The following AVEN variants were observed in gnomAD, a reference collection of about 807,000 sequenced individuals.
AVEN encodes cell death regulator Aven.
Under a neutral mutation model 38.1 loss-of-function variants are expected in AVEN, and 41 were observed. That is an observed-to-expected ratio of 1.08 (90% CI 0.84 to 1.40). The LOEUF (loss-of-function observed/expected upper bound fraction) is 1.40. Among genes scored for constraint, AVEN ranks in the 40% most tolerant of loss-of-function variants. The probability of loss-of-function intolerance (pLI) is 0.00; values close to 1 mark genes in which losing one functional copy is unlikely to be tolerated. For missense variants in AVEN, 605 were observed against 438.8 expected, an observed-to-expected ratio of 1.38 and a Z score of -3.38; for synonymous variants, 206 against 171.8, an observed-to-expected ratio of 1.20 and a Z score of -1.56.
At chr15:34,064,497 G>A (rs780121478) in intron 4 of AVEN, 1 of 711,612 alleles carries the variant, frequency 1.4e-6, no homozygotes, top group Non-Finnish European at 2.3e-6. Flanking sequence ...AGCAATTGCT[G>A]ACATATTAAA....
At chr15:34,027,908 A>T (rs1018449426) in intron 1 of AVEN, among the ~76,000 whole-genome samples, 3 of 152,118 alleles carry the variant, frequency 2.0e-5, no homozygotes, top group Admixed American at 6.5e-5. Context: ...TAGAACGTTG[A>T]CATTACTGGG....
chr15:34,067,852 T>C (rs553777932), intron 2 of AVEN, among the ~76,000 whole-genome samples: 5 of 152,148 alleles, frequency 3.3e-5, no homozygotes, highest in African/African-American at 1.2e-4. Context: ...GATACTAATT[T>C]CCATCTTCCC....
At chr15:34,000,550 C>T (rs1224493654) in intron 2 of AVEN, among the ~76,000 whole-genome samples, 5 of 152,184 alleles carry the variant, frequency 3.3e-5, no homozygotes, top group Admixed American at 3.3e-4. Flanking sequence ...TATTTTTTCT[C>T]AGTTGTCTAT....
chr15:33,988,799 G>C (rs144555041), intron 2 of AVEN, among the ~76,000 whole-genome samples: 80 of 152,348 alleles, frequency 5.3e-4, no homozygotes, highest in African/African-American at 1.9e-3. Context: ...CATGCAGCAA[G>C]AAGGACCATT....
At chr15:33,995,326 TA>T (rs891189177) in intron 2 of AVEN, among the ~76,000 whole-genome samples, 3 of 152,068 alleles carry the variant, frequency 2.0e-5, no homozygotes, top group African/African-American at 7.2e-5. Context: ...AAAATACAAA[TA>T]AAAAATAATA....
chr15:33,908,508 TGAGAA>T lies in AVEN; in HGVS notation c.446-32518_446-32514del, dbSNP rs1892792398. 2.0e-5 allele frequency among the ~76,000 whole-genome samples: 3 copies of T among 151,724 alleles called. 1 individual carries two copies. Among genetic ancestry groups the T allele is most frequent in the Admixed American group, 2.0e-4 (3 of 15,212 alleles). ...CAAATGGGCAAATAGGTTATTCCCA[TGAGAA>T]CTCACCCCGAACCCTGGCAACTACC... On this transcript the variant is annotated intron_variant, in intron 2 of 5. Transcript: ENST00000306730.
At chr15:34,030,490 T>C (rs1288765280) in intron 1 of AVEN, among the ~76,000 whole-genome samples, 5 of 152,024 alleles carry the variant, frequency 3.3e-5, no homozygotes, top group Admixed American at 1.3e-4. Context: ...GGACTACAGC[T>C]GCCTGCCACC....
At chr15:33,905,405 A>G (rs1450763678) in intron 2 of AVEN, among the ~76,000 whole-genome samples, 1 of 152,228 alleles carries the variant, frequency 6.6e-6, no homozygotes, top group Non-Finnish European at 1.5e-5. Context: ...TATACATAAA[A>G]GAGCTTGCCC....
chr15:33,874,908 C>T (rs1012329784), intron 3 of AVEN, among the ~76,000 whole-genome samples: 7 of 152,182 alleles, frequency 4.6e-5, no homozygotes, highest in African/African-American at 1.7e-4. Flanking sequence ...AATCTATCTT[C>T]GATGTGTCCT....
intron 1 of AVEN, among the ~76,000 whole-genome samples, chr15:34,020,302 C>G (rs1159693502): frequency 1.6e-5 from 2 of 126,078 alleles, no homozygotes; most frequent in Non-Finnish European, 3.7e-5. Context: ...CCGAGCGAGA[C>G]TCCATCTCAA....
chr15:33,868,934 T>C (rs1203593394), intron 4 of AVEN, among the ~76,000 whole-genome samples: 1 of 152,094 alleles, frequency 6.6e-6, no homozygotes, highest in Non-Finnish European at 1.5e-5. Context: ...TAATACAAGG[T>C]TATAATCTAA....
chr15:33,902,992 G>T (rs757030473), intron 2 of AVEN, among the ~76,000 whole-genome samples: 1 of 152,024 alleles, frequency 6.6e-6, no homozygotes, highest in Non-Finnish European at 1.5e-5. Context: ...TCTTTTGGCC[G>T]CCAGGATCTG....
intron 2 of AVEN, among the ~76,000 whole-genome samples, chr15:33,917,525 GTA>G (rs34540122): frequency 0.23 from 33,829 of 145,238 alleles, 4,208 homozygotes; most frequent in African/African-American, 0.35. Flanking sequence ...ACACATACGT[GTA>G]TATATATATA....
At chr15:34,031,377 G>A (rs377048973) in intron 1 of AVEN, among the ~76,000 whole-genome samples, 24 of 152,052 alleles carry the variant, frequency 1.6e-4, no homozygotes, top group Middle Eastern at 3.4e-3. Context: ...GTTTCATCAT[G>A]TTGGTCAGGC....
chr15:34,043,337 C>T (rs1899556660), upstream of AVEN, among the ~76,000 whole-genome samples: 1 of 151,998 alleles, frequency 6.6e-6, no homozygotes, highest in Admixed American at 6.6e-5. Context: ...AATGCACTGT[C>T]CTCTTGCAAA....
chr15:33,969,772 G>T (rs1194453662), intron 2 of AVEN, among the ~76,000 whole-genome samples: 2 of 151,968 alleles, frequency 1.3e-5, no homozygotes, highest in East Asian at 3.8e-4. Context: ...TCAACAAGAG[G>T]ATAAAAAGAT....
At chr15:34,053,314 AAAAAAATAT>A (rs1380517858) in intron 5 of AVEN, among the ~76,000 whole-genome samples, 2 of 108,254 alleles carry the variant, frequency 1.8e-5, no homozygotes, top group Admixed American at 1.1e-4. Flanking sequence ...AAAAAAAAAA[AAAAAAATAT>A]ATATATATAT....
At chr15:33,867,351 CGTG>C (rs1484704062) in intron 5 of AVEN, 141 bp downstream of exon 5, 1 of 1,199,500 alleles carries the variant, frequency 8.3e-7, no homozygotes, top group African/African-American at 1.5e-5. Context: ...GAAGCAGAGA[CGTG>C]AGCACAGAAA....
intron 2 of AVEN, among the ~76,000 whole-genome samples, chr15:33,958,228 C>T (rs1895029025): frequency 6.6e-6 from 1 of 152,194 alleles, no homozygotes; most frequent in South Asian, 2.1e-4. Flanking sequence ...TCTTCTCCTC[C>T]TGTTTTCCTT....
Sources: allele counts gnomAD v4.1 joint callset (sites outside exome capture counted in the v4.1 genomes callset), GRCh38; gene constraint gnomAD v4.1.1; transcripts MANE v1.5; gene names NCBI Gene and HGNC (gene_info 2026-07-23, HGNC 2026-07-21).